PDE4D: variants seen among roughly 807,000 people sequenced by gnomAD.
The protein encoded by PDE4D is 3',5'-cyclic-AMP phosphodiesterase 4D.
Under a neutral mutation model 87.4 loss-of-function variants are expected in PDE4D, and 24 were observed. The ratio of observed to expected loss-of-function variants is 0.27; its 90% confidence interval spans 0.20 to 0.39. The LOEUF is 0.39. Ranked by LOEUF, PDE4D falls within the 10% of genes least tolerant of loss-of-function variation. The pLI, the probability that PDE4D is intolerant of heterozygous loss-of-function variation, is 1.00. For missense variants in PDE4D, 714 were observed against 1,041.0 expected (o/e 0.69, Z 4.32); for synonymous variants, 384 against 383.2 (o/e 1.00, Z -0.02).
At chr5:59,539,934 T>C (rs563336967) in intron 1 of PDE4D, among the ~76,000 whole-genome samples, 10 of 152,288 alleles carry the variant, frequency 6.6e-5, no homozygotes, top group African/African-American at 2.4e-4. Flanking sequence ...GTTTAGTTAG[T>C]GTACATCTGT....
intron 1 of PDE4D, among the ~76,000 whole-genome samples, chr5:59,229,860 G>A (rs943979336): frequency 2.0e-5 from 3 of 152,124 alleles, no homozygotes; most frequent in African/African-American, 7.2e-5. Flanking sequence ...GTGCAATGGT[G>A]CGATCTCGGC....
intron 1 of PDE4D, among the ~76,000 whole-genome samples, chr5:59,324,551 T>C (rs533336844): frequency 5.0e-4 from 76 of 152,238 alleles, no homozygotes; most frequent in African/African-American, 1.8e-3. Context: ...TTTTCTTTCT[T>C]AAAAGAAGAC....
At chr5:59,746,142 T>C (rs1028193868) in intron 1 of PDE4D, among the ~76,000 whole-genome samples, 2 of 152,194 alleles carry the variant, frequency 1.3e-5, no homozygotes, top group African/African-American at 4.8e-5. Flanking sequence ...CTGAACATCA[T>C]ATTCAAGAAC....
At chr5:59,524,074 G>T (rs1812667959) in intron 1 of PDE4D, among the ~76,000 whole-genome samples, 1 of 152,162 alleles carries the variant, frequency 6.6e-6, no homozygotes, top group Non-Finnish European at 1.5e-5. Flanking sequence ...ACAGTCAGTT[G>T]GTACTGAGAG....
intron 1 of PDE4D, among the ~76,000 whole-genome samples, chr5:59,394,642 G>A (rs13154145): frequency 0.081 from 12,304 of 152,154 alleles, 665 homozygotes; most frequent in Middle Eastern, 0.17. Context: ...ATGAAAGATG[G>A]CACTTTTCTA....
intron 6 of PDE4D, among the ~76,000 whole-genome samples, chr5:59,012,449 T>C (rs1753021837): frequency 6.6e-6 from 1 of 151,948 alleles, no homozygotes; most frequent in African/African-American, 2.4e-5. Context: ...AATAAAGGGA[T>C]GGAGGAAGAT....
At chr5:59,442,521 A>G (rs1797786323) in intron 1 of PDE4D, among the ~76,000 whole-genome samples, 1 of 152,232 alleles carries the variant, frequency 6.6e-6, no homozygotes. Context: ...ACAGGAGCAC[A>G]TAATGTGAGT....
intron 5 of PDE4D, among the ~76,000 whole-genome samples, chr5:59,153,752 G>GTTTT (rs34209888): frequency 6.7e-6 from 1 of 148,976 alleles, no homozygotes; most frequent in African/African-American, 2.5e-5. Context: ...GGTGGGCAGG[G>GTTTT]TTTTTTTTTT....
At chr5:59,215,133 C>T (rs1047546349) in intron 2 of PDE4D, among the ~76,000 whole-genome samples, 11 of 152,146 alleles carry the variant, frequency 7.2e-5, no homozygotes, top group Non-Finnish European at 7.4e-5. Context: ...AGAAAATGAG[C>T]TAGTGATGGT....
intron 1 of PDE4D, among the ~76,000 whole-genome samples, chr5:59,273,645 G>T (rs1202371517): frequency 2.0e-5 from 3 of 151,972 alleles, no homozygotes; most frequent in Non-Finnish European, 4.4e-5. Flanking sequence ...TATATAGAGA[G>T]AGATTTATTT....
chr5:60,307,023 T>C (rs554483005), intron 1 of PDE4D, among the ~76,000 whole-genome samples: 231 of 152,260 alleles, frequency 1.5e-3, no homozygotes, highest in Non-Finnish European at 3.0e-3. Context: ...ATGTAATAGC[T>C]AATAGCTATT....
At chr5:59,080,199 T>C (rs1285257258) in intron 5 of PDE4D, among the ~76,000 whole-genome samples, 1 of 152,194 alleles carries the variant, frequency 6.6e-6, no homozygotes. Context: ...AATGTGTCAG[T>C]GTAAATTCCA....
chr5:59,716,358 T>C (rs1209009828), intron 1 of PDE4D, among the ~76,000 whole-genome samples: 1 of 152,202 alleles, frequency 6.6e-6, no homozygotes, highest in Non-Finnish European at 1.5e-5. Context: ...TGTCTACAGT[T>C]CCTCACGTGT....
chr5:59,045,132 G>T (rs1183783442), intron 5 of PDE4D, among the ~76,000 whole-genome samples: 1 of 152,184 alleles, frequency 6.6e-6, no homozygotes, highest in African/African-American at 2.4e-5. Flanking sequence ...AGTAAAAGAG[G>T]ACTATTTAAA....
intron 1 of PDE4D, among the ~76,000 whole-genome samples, chr5:59,255,119 T>C (rs921577496): frequency 2.6e-5 from 4 of 152,138 alleles, no homozygotes; most frequent in African/African-American, 9.7e-5. Context: ...TAAATGTTCA[T>C]TGCAGCACAT....
At chr5:59,635,831 A>C (rs1294429354) in intron 1 of PDE4D, among the ~76,000 whole-genome samples, 3 of 152,246 alleles carry the variant, frequency 2.0e-5, no homozygotes, top group African/African-American at 7.2e-5. Context: ...GCACAAGACA[A>C]GGATGCCCTC....
chr5:59,938,214 AT>A (rs1756817085), intron 3 of PDE4D, among the ~76,000 whole-genome samples: 1 of 152,146 alleles, frequency 6.6e-6, no homozygotes, highest in Admixed American at 6.6e-5. Flanking sequence ...CTATTATTCT[AT>A]ACCATCCTTC....
chr5:60,414,960 G>A (rs934707364), intron 1 of PDE4D, among the ~76,000 whole-genome samples: 4 of 152,240 alleles, frequency 2.6e-5, no homozygotes, highest in African/African-American at 9.6e-5. Flanking sequence ...TGAAATTTGA[G>A]TCTTAGGGTA....
intron 3 of PDE4D, among the ~76,000 whole-genome samples, chr5:59,948,646 T>C (rs1218334620): frequency 6.6e-6 from 1 of 152,196 alleles, no homozygotes; most frequent in Non-Finnish European, 1.5e-5. Context: ...GCAAGAAGTC[T>C]CTATTAGAAC....
Sources: allele counts gnomAD v4.1 joint callset (sites outside exome capture counted in the v4.1 genomes callset), GRCh38; gene constraint gnomAD v4.1.1; transcripts MANE v1.5; gene names NCBI Gene and HGNC (gene_info 2026-07-23, HGNC 2026-07-21).